ASIC2: variants seen among roughly 807,000 people sequenced by gnomAD.
The protein encoded by ASIC2 is acid-sensing ion channel 2.
ASIC2 carries 25 observed loss-of-function variants against 57.3 expected under a neutral mutation model. That is an observed-to-expected ratio of 0.44 (90% confidence interval 0.32 to 0.61). ASIC2 has a LOEUF of 0.61. ASIC2 is among the 20% of genes least tolerant of loss of function. ASIC2 has a pLI of 0.06. For synonymous variants in ASIC2, 319 were observed against 307.5 expected, an observed-to-expected ratio of 1.04 and a Z score of -0.39; for missense variants, 641 against 738.1, an observed-to-expected ratio of 0.87 and a Z score of 1.52.
intron 1 of ASIC2, among the ~76,000 whole-genome samples, chr17:33,453,173 A>G (rs1321772780): frequency 6.6e-6 from 1 of 151,156 alleles, no homozygotes; most frequent in African/African-American, 2.4e-5. Flanking sequence ...GTCTGAGATT[A>G]TATTTGTGTA....
chr17:33,306,129 G>A (rs1238452449), intron 1 of ASIC2, among the ~76,000 whole-genome samples: 8 of 151,960 alleles, frequency 5.3e-5, no homozygotes, highest in Non-Finnish European at 5.9e-5. Context: ...TTTTTTCCCT[G>A]AAGGAATAAA....
intron 1 of ASIC2, among the ~76,000 whole-genome samples, chr17:33,986,488 A>G (rs552816792): frequency 1.1e-4 from 16 of 152,200 alleles, no homozygotes; most frequent in African/African-American, 3.1e-4. Flanking sequence ...GCCTTCATTC[A>G]TTTTCCTAAA....
At chr17:33,341,026 G>C (rs1342843984) in intron 1 of ASIC2, among the ~76,000 whole-genome samples, 1 of 152,160 alleles carries the variant, frequency 6.6e-6, no homozygotes, top group Non-Finnish European at 1.5e-5. Flanking sequence ...AACTGCAGTT[G>C]ACAAGGAAGA....
At chr17:33,910,489 T>C (rs774999305) in intron 1 of ASIC2, among the ~76,000 whole-genome samples, 6 of 152,208 alleles carry the variant, frequency 3.9e-5, no homozygotes, top group Non-Finnish European at 7.3e-5. Flanking sequence ...TATTCTTCCA[T>C]CGAGATGATG....
chr17:33,131,221 A>T (rs1597593873), intron 1 of ASIC2, among the ~76,000 whole-genome samples: 1 of 152,272 alleles, frequency 6.6e-6, no homozygotes, highest in East Asian at 1.9e-4. Context: ...TATTTCTGGG[A>T]TGGCTAAGGG....
chr17:33,548,644 G>T (rs575807530), intron 1 of ASIC2, among the ~76,000 whole-genome samples: 3 of 152,074 alleles, frequency 2.0e-5, no homozygotes, highest in Non-Finnish European at 4.4e-5. Flanking sequence ...AACAGTTCAC[G>T]GCTGCCCTTA....
chr17:33,169,814 G>A (rs1044389491), intron 1 of ASIC2, among the ~76,000 whole-genome samples: 1 of 152,138 alleles, frequency 6.6e-6, no homozygotes, highest in African/African-American at 2.4e-5. Flanking sequence ...CCCACCTTCT[G>A]GTCTCAGTAC....
rs571772520 is a variant in ASIC2 at position 33,323,506 on chromosome 17, A to G, written c.556-211439T>C. On this transcript the variant is annotated intron_variant, in intron 1 of 9. Coordinates refer to the ASIC2 transcript ENST00000359872. ...GGTGGATGGATCACTTGAGGTCAGGAGTTCAAGACCAACCTGGCCAACTTG... is the reference window on the plus strand; with the variant it reads ...GGTGGATGGATCACTTGAGGTCAGGGGTTCAAGACCAACCTGGCCAACTTG... Among the ~76,000 whole-genome samples, 11 of 152,332 alleles carry G rather than the reference A, an allele frequency of 7.2e-5. No individual in the cohort carries two copies. In the East Asian group the frequency reaches 7.7e-4, roughly 11 times the overall value.
At chr17:33,677,587 G>T (rs1907865451) in intron 1 of ASIC2, among the ~76,000 whole-genome samples, 1 of 152,154 alleles carries the variant, frequency 6.6e-6, no homozygotes, top group Admixed American at 6.5e-5. Context: ...TAACTTTAGT[G>T]GGAGTTTGAA....
intron 1 of ASIC2, among the ~76,000 whole-genome samples, chr17:33,991,477 C>T (rs1201253868): frequency 6.6e-6 from 1 of 152,184 alleles, no homozygotes; most frequent in Non-Finnish European, 1.5e-5. Context: ...CATACAAATA[C>T]TCCTAAATTG....
At chr17:34,084,498 T>C (rs1022335111) in intron 1 of ASIC2, among the ~76,000 whole-genome samples, 3 of 152,246 alleles carry the variant, frequency 2.0e-5, no homozygotes, top group African/African-American at 7.2e-5. Context: ...AGCTTTCTTT[T>C]GGCTTAGGAT....
chr17:33,135,142 G>C (rs1399556138), intron 1 of ASIC2, among the ~76,000 whole-genome samples: 1 of 151,986 alleles, frequency 6.6e-6, no homozygotes, highest in Non-Finnish European at 1.5e-5. Context: ...AGTTCATTCC[G>C]CTTAGCCCTG....
chr17:34,141,027 A>G (rs1567836352), intron 1 of ASIC2, among the ~76,000 whole-genome samples: 1 of 152,194 alleles, frequency 6.6e-6, no homozygotes, highest in East Asian at 1.9e-4. Context: ...ATGCCTCCAG[A>G]TAGGCTATGA....
Position 33,956,461 on chromosome 17 carries a change from C to T in ASIC2, c.555+199517G>A, listed in dbSNP as rs75217243. 5.4e-3 allele frequency among the ~76,000 whole-genome samples: 818 copies of T among 152,286 alleles called. 22 individuals carry two copies. In the South Asian group the frequency reaches 0.065, roughly 12 times the overall value. ...CACGGAAGCTCTGAACCCAATGTCT[C>T]TCTCCACATCTACTTTCCAACCTCC... On this transcript the variant is annotated intron_variant, in intron 1 of 9. Transcript: ENST00000359872.
chr17:33,077,803 C>A (rs2092095536), intron 3 of ASIC2, among the ~76,000 whole-genome samples: 5 of 152,286 alleles, frequency 3.3e-5, no homozygotes, highest in Admixed American at 3.3e-4. Context: ...TCAGACCCCT[C>A]CTTCCCTTAC....
intron 1 of ASIC2, among the ~76,000 whole-genome samples, chr17:33,653,965 A>G (rs888557982): frequency 1.3e-5 from 2 of 152,224 alleles, no homozygotes; most frequent in Non-Finnish European, 2.9e-5. Context: ...TTCTTTTTGC[A>G]GATGAGGAGA....
At chr17:33,441,455 A>G (rs999054260) in intron 1 of ASIC2, among the ~76,000 whole-genome samples, 1 of 152,292 alleles carries the variant, frequency 6.6e-6, no homozygotes, top group East Asian at 1.9e-4. Flanking sequence ...ATTTAGGTCT[A>G]TGTTCCAGTT....
chr17:33,748,847 C>T (rs929290163), intron 1 of ASIC2, among the ~76,000 whole-genome samples: 8 of 152,214 alleles, frequency 5.3e-5, no homozygotes, highest in African/African-American at 1.4e-4. Context: ...ATCTGTGGAA[C>T]GCATGCATGC....
chr17:33,296,150 G>A (rs1441596519), upstream of ASIC2, among the ~76,000 whole-genome samples: 1 of 152,142 alleles, frequency 6.6e-6, no homozygotes, highest in Admixed American at 6.5e-5. Context: ...AGGGCCTCCT[G>A]TAAGTGTTTT....
Sources: allele counts gnomAD v4.1 joint callset (sites outside exome capture counted in the v4.1 genomes callset), GRCh38; gene constraint gnomAD v4.1.1; transcripts MANE v1.5; gene names NCBI Gene and HGNC (gene_info 2026-07-23, HGNC 2026-07-21).